C6: variants seen among roughly 807,000 people sequenced by gnomAD.
C6 encodes complement component C6.
A neutral mutation model predicts 112.9 loss-of-function variants in C6; 101 were observed. That is an observed-to-expected ratio of 0.89 (90% CI 0.76 to 1.06). The LOEUF is 1.06. C6 is among the 50% of genes least tolerant of loss of function. The pLI is 0.00. For synonymous variants in C6, 431 were observed against 384.1 expected (o/e 1.12, Z -1.43); for missense variants, 1,202 against 1,104.6 (o/e 1.09, Z -1.25).
intron 6 of C6, among the ~76,000 whole-genome samples, chr5:41,183,678 C>G (rs989918565): frequency 6.6e-6 from 1 of 152,168 alleles, no homozygotes; most frequent in Admixed American, 6.6e-5. Context: ...GACACATGCA[C>G]TTGCATGTTT....
chr5:41,259,561 T>G (rs1286560142), intron 1 of C6, among the ~76,000 whole-genome samples: 1 of 151,776 alleles, frequency 6.6e-6, no homozygotes, highest in Non-Finnish European at 1.5e-5. Context: ...ATAATAGCAC[T>G]ATTTTCCTAC....
chr5:41,218,422 A>G (rs1738947473), upstream of C6, among the ~76,000 whole-genome samples: 1 of 152,206 alleles, frequency 6.6e-6, no homozygotes, highest in Admixed American at 6.6e-5. Context: ...TGTAAAATTT[A>G]CAATCTCCAT....
At chr5:41,249,585 TTAA>T (rs1319203768) in intron 1 of C6, among the ~76,000 whole-genome samples, 1 of 152,204 alleles carries the variant, frequency 6.6e-6, no homozygotes, top group Non-Finnish European at 1.5e-5. Flanking sequence ...ATAAGAGAAA[TTAA>T]TGTTAGGGAT....
Position 41,159,097 on chromosome 5 carries a change from G to T in C6, c.1841C>A (p.Ser614Ter). ...EKRQEEDCTF[S>*]IMENNGQPCI... The stretch of plus-strand genomic sequence containing the variant: ...CCGGCCTTACTTGTTTTCCATGATT[G>T]AAAATGTGCAGTCTTCCTCTTGTCG... Residue 614 changes from serine (S) to a stop codon, truncating the protein, a stop_gained, in exon 12 of 18, where the codon TCA becomes TAA. Coordinates refer to ENST00000337836, the MANE Select transcript of C6 (RefSeq NM_000065.5). LOFTEE classifies it high-confidence loss of function. The T allele has an allele frequency of 6.2e-7, 1 of 1,613,670 alleles. No homozygotes were observed. The highest frequency in any genetic ancestry group is 1.3e-5 in the African/African-American group (1 of 74,972).
intron 17 of C6, 65 bp from the exon 18 acceptor site, chr5:41,143,071 A>C: frequency 6.8e-7 from 1 of 1,480,194 alleles, no homozygotes; most frequent in Non-Finnish European, 9.4e-7. Flanking sequence ...CTTTATCTAA[A>C]TCATCCCCAG....
chr5:41,213,558 T>C (rs973497442), upstream of C6: 38 of 985,248 alleles, frequency 3.9e-5, no homozygotes, highest in Non-Finnish European at 4.2e-5. Flanking sequence ...GTTGTCAAAA[T>C]AAATGTTCTC....
intron 2 of C6, among the ~76,000 whole-genome samples, chr5:41,202,176 A>G (rs1343934614): frequency 1.3e-5 from 2 of 152,154 alleles, no homozygotes; most frequent in Non-Finnish European, 2.9e-5. Flanking sequence ...GCATGAGAGA[A>G]ACATCCTGAA....
rs1479029920 is a variant in C6, at chr5:41,161,787, A to G, written c.1364T>C (p.Leu455Ser). The G allele has an allele frequency of 2.5e-6, 4 of 1,613,550 alleles. No individual in the cohort carries two copies. The highest frequency in any genetic ancestry group is 3.4e-6 in the Non-Finnish European group (4 of 1,179,718). Residue 455 changes from leucine to serine, a missense_variant, in exon 10 of 18, where the codon TTG becomes TCG. Coordinates refer to ENST00000337836, the MANE Select transcript of C6 (RefSeq NM_000065.5). Reference protein sequence around the residue: ...RGGRSEYGAALAWEKGSSGLE... With the variant: ...RGGRSEYGAASAWEKGSSGLE... ...ACCAGAGCTCCCTTTCTCCCATGCCAAAGCTGCTCCATATTCACTCCTTCC... is the reference window on the plus strand; with the variant it reads ...ACCAGAGCTCCCTTTCTCCCATGCCGAAGCTGCTCCATATTCACTCCTTCC...
chr5:41,239,111 C>CTTTTTTTTTTTTTTTTTT (rs34322889), intron 1 of C6, among the ~76,000 whole-genome samples: 1 of 121,674 alleles, frequency 8.2e-6, no homozygotes, highest in Non-Finnish European at 1.7e-5. Flanking sequence ...TCTTTTCTTT[C>CTTTTTTTTTTTTTTTTTT]TTTTTTTTTT....
chr5:41,164,802 C>T (rs1458809184), intron 9 of C6, among the ~76,000 whole-genome samples: 2 of 152,074 alleles, frequency 1.3e-5, no homozygotes, highest in African/African-American at 4.8e-5. Context: ...GCCCTGATTC[C>T]AGTCTAGTAT....
intron 9 of C6, among the ~76,000 whole-genome samples, chr5:41,167,038 A>G (rs1748032917): frequency 6.6e-6 from 1 of 151,918 alleles, no homozygotes; most frequent in African/African-American, 2.4e-5. Context: ...TAATGTTTTA[A>G]TATTAATTTT....
intron 1 of C6, among the ~76,000 whole-genome samples, chr5:41,259,712 A>G (rs1741926779): frequency 6.6e-6 from 1 of 152,192 alleles, no homozygotes; most frequent in African/African-American, 2.4e-5. Context: ...TCTGTTTCCT[A>G]ATTAGTTCAT....
chr5:41,179,777 G>T (rs1749173442), intron 7 of C6, among the ~76,000 whole-genome samples: 1 of 150,774 alleles, frequency 6.6e-6, no homozygotes, highest in Non-Finnish European at 1.5e-5. Context: ...CCAGAACTGT[G>T]TTCTTTCTGT....
rs77176896 is a variant in C6 at position 41,157,537 on chromosome 5, T to C, written c.1968+1137A>G. Among the ~76,000 whole-genome samples, 439 of 152,356 alleles carry C rather than the reference T, an allele frequency of 2.9e-3. 1 individual carries two copies. Among genetic ancestry groups the C allele is most frequent in the Non-Finnish European group, 5.2e-3 (357 of 68,036 alleles). ...TAGACGATATGTAAACATATGAATG[T>C]GGCTGTGTTCCAATAAAAATAAGAC... On this transcript the variant is annotated intron_variant, in intron 13 of 17. Transcript: ENST00000337836.
chr5:41,200,136 A>G (rs1215459730), intron 3 of C6, among the ~76,000 whole-genome samples: 3 of 152,222 alleles, frequency 2.0e-5, no homozygotes, highest in Non-Finnish European at 2.9e-5. Flanking sequence ...TGGGTTAAAA[A>G]GGTTTCTAAG....
At chr5:41,223,752 C>G (rs1739316902) in intron 1 of C6, among the ~76,000 whole-genome samples, 1 of 152,106 alleles carries the variant, frequency 6.6e-6, no homozygotes, top group African/African-American at 2.4e-5. Flanking sequence ...AAGCTGGCAA[C>G]AGAAACCGTA....
Position 41,183,925 on chromosome 5 carries a change from C to G in C6, c.726+2145G>C, listed in dbSNP as rs1360915577. On this transcript the variant is annotated intron_variant, in intron 6 of 17. Coordinates refer to ENST00000337836, the MANE Select transcript of C6 (RefSeq NM_000065.5). ...TTTTCACTTATAAGTGAGAGCTAAA[C>G]ATCGGGCACTCATGGACATAAAGAT... 2.0e-5 allele frequency among the ~76,000 whole-genome samples: 3 copies of G among 150,432 alleles called. No individual in the cohort carries two copies. The East Asian group carries it at 5.9e-4, about 30-fold the overall frequency.
At chr5:41,223,277 A>G (rs1374546152) in intron 1 of C6, among the ~76,000 whole-genome samples, 1 of 152,206 alleles carries the variant, frequency 6.6e-6, no homozygotes, top group Non-Finnish European at 1.5e-5. Context: ...AACTGTGATG[A>G]TTTCGTTATT....
chr5:41,179,034 A>G (rs1217293688), intron 7 of C6, among the ~76,000 whole-genome samples: 1 of 151,990 alleles, frequency 6.6e-6, no homozygotes, highest in Non-Finnish European at 1.5e-5. Flanking sequence ...TTTGTATTTT[A>G]GTAGAGATGA....
Sources: allele counts gnomAD v4.1 joint callset (sites outside exome capture counted in the v4.1 genomes callset), GRCh38; gene constraint gnomAD v4.1.1; transcripts MANE v1.5; gene names NCBI Gene and HGNC (gene_info 2026-07-23, HGNC 2026-07-21).